GAREM1: variants seen among roughly 807,000 people sequenced by gnomAD.
GAREM1 encodes GRB2 associated regulator of MAPK1 subtype 1.
In GAREM1, 26 loss-of-function variants were observed where a neutral mutation model predicts 71.3. The ratio of observed to expected loss-of-function variants is 0.36; its 90% CI spans 0.27 to 0.51. The LOEUF (loss-of-function observed/expected upper bound fraction) is 0.51, where lower values mean the gene tolerates loss of function less well. GAREM1 is among the 20% of genes least tolerant of loss of function. The probability of loss-of-function intolerance (pLI) is 0.95; values close to 1 mark genes in which losing one functional copy is unlikely to be tolerated. For missense variants in GAREM1, 1,026 were observed against 1,103.1 expected, an observed-to-expected ratio of 0.93 and a Z score of 0.99; for synonymous variants, 440 against 433.2, an observed-to-expected ratio of 1.02 and a Z score of -0.20.
At position 32,287,145 on chromosome 18, in the gene GAREM1, A is replaced by G. The variant is rs776880682; in HGVS notation, c.1452T>C (p.Ser484=). The G allele has an allele frequency of 5.0e-6, 8 of 1,614,258 alleles. No homozygotes were observed. The South Asian group carries it at 7.7e-5, about 16-fold the overall frequency. The change falls in exon 4 of 6, where the codon TCT becomes TCC. Residue 484 remains serine (S), a synonymous_variant. Transcript: ENST00000269209. This position sits in a 1 kb window ranked among gnomAD's most constrained non-coding sequence, Gnocchi z 5.9. ...GAGAAGTCGCACATTTGGATCGGAC[A>G]GAACCTCTAAACTGATCACATCTGT... The part of the protein sequence containing the change: ...EKNRCDQFRG[S]VRSKCATSPL...
chr18:32,270,278 G>GC lies in GAREM1; in HGVS notation c.1671dup (p.Arg558AlafsTer25). On this transcript the variant is annotated frameshift_variant, in exon 5 of 6. Transcript: ENST00000269209. LOFTEE classifies it high-confidence loss of function. ...GGGCTGGGAGAGCGAGTCTGTTGCC[G>GC]CGCTGGCTTGACTGTGCGAGGAGGG... 6.2e-7 allele frequency: 1 copy of GC among 1,613,930 alleles called. No individual in the cohort carries two copies. The highest frequency in any genetic ancestry group is 8.5e-7 in the Non-Finnish European group (1 of 1,179,930).
chr18:32,398,985 C>T (rs1028697740), intron 1 of GAREM1, among the ~76,000 whole-genome samples: 2 of 152,188 alleles, frequency 1.3e-5, no homozygotes, highest in Non-Finnish European at 2.9e-5. Context: ...ATCAAGTGGG[C>T]TTCATCCCTG....
chr18:32,367,796 A>G (rs1024479021), intron 2 of GAREM1, among the ~76,000 whole-genome samples: 27 of 152,052 alleles, frequency 1.8e-4, no homozygotes, highest in African/African-American at 6.3e-4. Context: ...GAAGCCAAGC[A>G]CCTTCACAGG....
intron 2 of GAREM1, among the ~76,000 whole-genome samples, chr18:32,375,340 T>C (rs2048021833): frequency 6.6e-6 from 1 of 152,138 alleles, no homozygotes. Context: ...TTCTAAATAT[T>C]GGTGAGGCTG....
intron 1 of GAREM1, among the ~76,000 whole-genome samples, chr18:32,436,870 T>C (rs1568010998): frequency 1.3e-5 from 2 of 152,150 alleles, no homozygotes; most frequent in Non-Finnish European, 2.9e-5. Flanking sequence ...CTTTTTCAAA[T>C]CCTAACCTCC....
chr18:32,310,607 G>A (rs1194985437), intron 2 of GAREM1, among the ~76,000 whole-genome samples: 1 of 152,142 alleles, frequency 6.6e-6, no homozygotes, highest in Non-Finnish European at 1.5e-5. Context: ...CTTGCTGTTT[G>A]ATCTCAAAGT....
At chr18:32,319,866 A>AT (rs2047413261) in intron 2 of GAREM1, among the ~76,000 whole-genome samples, 1 of 152,222 alleles carries the variant, frequency 6.6e-6, no homozygotes, top group Admixed American at 6.5e-5. Context: ...ACTGCACATT[A>AT]TTTCATCCCA....
At chr18:32,413,331 A>C in intron 1 of GAREM1, 1 of 818,860 alleles carries the variant, frequency 1.2e-6, no homozygotes, top group South Asian at 1.7e-5. Context: ...TAAAAACAAA[A>C]CCACATAAAA....
At chr18:32,353,244 A>C (rs950636175) in intron 2 of GAREM1, among the ~76,000 whole-genome samples, 1 of 152,206 alleles carries the variant, frequency 6.6e-6, no homozygotes, top group Non-Finnish European at 1.5e-5. Context: ...TTTTTCAACA[A>C]ATATCTTTTG....
At position 32,427,051 on chromosome 18, in the gene GAREM1, T is replaced by A. The variant is rs142656960; in HGVS notation, c.122-34016A>T. 5.7e-3 allele frequency among the ~76,000 whole-genome samples: 868 copies of A among 151,936 alleles called. 11 individuals are homozygous for A. Among genetic ancestry groups the A allele is most frequent in the African/African-American group, 0.02 (814 of 41,514 alleles). On this transcript the variant is annotated intron_variant, in intron 1 of 5. Transcript: ENST00000269209. ...GTGTTGGAAGTTTTTTGAGACCTAA[T>A]AAATTTTAATCCATTCTATTCCTAA... is the stretch of plus-strand genomic sequence containing the variant.
intron 2 of GAREM1, among the ~76,000 whole-genome samples, chr18:32,332,882 C>CAG (rs1251238599): frequency 6.6e-6 from 1 of 151,956 alleles, no homozygotes; most frequent in Admixed American, 6.6e-5. Flanking sequence ...GATGGCATGA[C>CAG]AGAGAGAGAG....
In GAREM1 at chr18:32,420,773, G is replaced by C. The variant is rs1011515777; in HGVS notation, c.122-27738C>G. On this transcript the variant is annotated intron_variant, in intron 1 of 5. Transcript: ENST00000269209. ...CAAAAATGAAAAAAAAAAAAAAATA[G>C]AATCCCAAAGCTGGATGCAAGAGAG... Among the ~76,000 whole-genome samples the C allele has an allele frequency of 5.3e-5, 7 of 132,158 alleles. No individual in the cohort carries two copies. The East Asian group carries it at 1.6e-3, about 31-fold the overall frequency. 86.7% of individuals were successfully genotyped at this position (132,158 alleles called of 152,430 possible).
intron 2 of GAREM1, among the ~76,000 whole-genome samples, chr18:32,381,531 T>C (rs561249100): frequency 2.6e-5 from 4 of 152,204 alleles, no homozygotes; most frequent in African/African-American, 7.2e-5. Flanking sequence ...ATCGTTTTTT[T>C]CCTCTTGAAC....
chr18:32,376,338 A>C (rs2048030299), intron 2 of GAREM1, among the ~76,000 whole-genome samples: 1 of 152,232 alleles, frequency 6.6e-6, no homozygotes, highest in African/African-American at 2.4e-5. Flanking sequence ...TGTAAAAATT[A>C]CATTTTCCAC....
At chr18:32,462,827 T>C (rs1391661982) in intron 1 of GAREM1, among the ~76,000 whole-genome samples, 3 of 152,172 alleles carry the variant, frequency 2.0e-5, no homozygotes. Flanking sequence ...AGATGATAGA[T>C]AGGGGTCCAG....
In GAREM1 at chr18:32,266,141, A is replaced by G. The variant is rs1396799105; in HGVS notation, c.*1730T>C. On this transcript the variant is annotated 3_prime_UTR_variant, in exon 6 of 6. Coordinates refer to ENST00000269209, the MANE Select transcript of GAREM1 (RefSeq NM_001242409.2). ...GAAAAAAAATGCTTTTTTTTTTGAT[A>G]AAGGAGATCTAAGATGGAAAATTGG... 6.6e-6 allele frequency: 1 copy of G among 151,890 alleles called. No individual in the cohort carries two copies. The highest frequency in any genetic ancestry group is 1.5e-5 in the Non-Finnish European group (1 of 67,988). 9.4% of individuals were successfully genotyped at this position (151,890 alleles called of 1,614,324 possible).
Position 32,268,208 on chromosome 18 carries a change from T to C in GAREM1, c.2294A>G (p.Asp765Gly), listed in dbSNP as rs375410847. ...PKSGSPDLSEDQYFVKKGMQD... is the reference protein window; with the variant it reads ...PKSGSPDLSEGQYFVKKGMQD... ...CATGCCCTTTTTAACAAAATACTGG[T>C]CCTCCGAGAGATCTGGTGACCCAGA... The change falls in exon 6 of 6, where the codon GAC becomes GGC. Residue 765 changes from aspartate to glycine, a missense_variant. Transcript: ENST00000269209. 1.9e-6 allele frequency: 3 copies of C among 1,613,902 alleles called. No individual in the cohort carries two copies. Among genetic ancestry groups the C allele is most frequent in the African/African-American group, 2.7e-5 (2 of 74,870 alleles).
At chr18:32,412,764 G>C in intron 1 of GAREM1, 4 of 1,301,886 alleles carry the variant, frequency 3.1e-6, no homozygotes, top group Non-Finnish European at 4.4e-6. Flanking sequence ...GCCTCGGTCA[G>C]TCATGATTTC....
rs2047027440 is a variant in GAREM1, at chr18:32,287,119, G to A, written c.1478C>T (p.Pro493Leu). ...GSVRSKCATS[P>L]LPIPGTLGAA... Reference sequence around the variant, plus strand: ...TCCCAGAGTCCCAGGGATGGGAAGAGGAGAAGTCGCACATTTGGATCGGAC... The same window carrying A: ...TCCCAGAGTCCCAGGGATGGGAAGAAGAGAAGTCGCACATTTGGATCGGAC... The change falls in exon 4 of 6, where the codon CCT becomes CTT. Residue 493 changes from proline to leucine, a missense_variant. Physicochemically the swap from Pro to Leu is moderately conservative, Grantham distance 98. This residue lies in a region of GAREM1 where 636 missense variants were observed against 631.2 expected (regional missense o/e 1.01). Coordinates refer to ENST00000269209, the MANE Select transcript of GAREM1 (RefSeq NM_001242409.2). The surrounding 1 kb of genome is among the most constrained non-coding windows in gnomAD (Gnocchi z 5.9). 3.7e-6 allele frequency: 6 copies of A among 1,614,082 alleles called. No homozygotes were observed. Among genetic ancestry groups the A allele is most frequent in the South Asian group, 3.3e-5 (3 of 91,088 alleles).
Sources: allele counts gnomAD v4.1 joint callset (sites outside exome capture counted in the v4.1 genomes callset), GRCh38; gene constraint gnomAD v4.1.1; regional missense constraint gnomAD v4.1.1; non-coding constraint Gnocchi (gnomAD v3.1); transcripts MANE v1.5; gene names NCBI Gene and HGNC (gene_info 2026-07-23, HGNC 2026-07-21).